The following CENPE variants were observed in gnomAD, a reference collection of about 807,000 sequenced individuals.
The protein encoded by CENPE is centromere protein E, also known as centromere-associated protein E.
A neutral mutation model predicts 336.1 loss-of-function variants in CENPE; 145 were observed. The ratio of observed to expected loss-of-function variants is 0.43; its 90% CI spans 0.38 to 0.50. The LOEUF is 0.50. Ranked by LOEUF, CENPE falls within the 20% of genes least tolerant of loss-of-function variation. The pLI is 0.00. For missense variants in CENPE, 2,719 were observed against 3,023.3 expected, an observed-to-expected ratio of 0.90 and a Z score of 2.36; for synonymous variants, 1,013 against 984.8, an observed-to-expected ratio of 1.03 and a Z score of -0.54.
chr4:103,148,900 C>G lies in CENPE; in HGVS notation c.3787G>C (p.Ala1263Pro), dbSNP rs1283419208. 2 of 1,613,036 alleles carry G rather than the reference C, an allele frequency of 1.2e-6. No individual in the cohort carries two copies. The highest frequency in any genetic ancestry group is 2.7e-5 in the African/African-American group (2 of 74,852). The change falls in exon 28 of 49, where the codon GCT becomes CCT. Residue 1263 changes from alanine to proline, a missense_variant. Ala to Pro is a conservative substitution (Grantham distance 27, BLOSUM62 -1). Coordinates refer to ENST00000265148, the MANE Select transcript of CENPE (RefSeq NM_001813.3). ...ELRRSVSEKT[A>P]QIINTQDLEK... ...AAGTCCTGAGTATTTATTATTTGAG[C>G]TGTCTTCTCAGATACGCTTCTTCTT...
At chr4:103,150,510 G>C (rs562470252) in intron 26 of CENPE, among the ~76,000 whole-genome samples, 54 of 152,126 alleles carry the variant, frequency 3.5e-4, no homozygotes, top group South Asian at 2.1e-4. Flanking sequence ...CTGAACCCAG[G>C]GGGGGTTGAG....
intron 16 of CENPE, among the ~76,000 whole-genome samples, chr4:103,165,719 C>T (rs967004210): frequency 2.0e-5 from 3 of 151,964 alleles, no homozygotes; most frequent in African/African-American, 4.8e-5. Flanking sequence ...AGCAGTGGCT[C>T]ACACCTGTAA....
At chr4:103,176,148 G>C in intron 14 of CENPE, 100 bp from the exon 15 acceptor site, 2 of 638,376 alleles carry the variant, frequency 3.1e-6, no homozygotes, top group South Asian at 4.2e-5. Flanking sequence ...GAGATACTAA[G>C]AACTTCAAAT....
chr4:103,145,165 C>G lies in CENPE; in HGVS notation c.4742G>C (p.Ser1581Thr), dbSNP rs530167338. 6.2e-7 allele frequency: 1 copy of G among 1,612,974 alleles called. No individual in the cohort carries two copies. The highest frequency in any genetic ancestry group is 8.5e-7 in the Non-Finnish European group (1 of 1,179,536). ...AATCATAATTTGTATTTCTTCTTGA[C>G]TTTCTTGAAGTCTGTTGGTCAACTC... ...MLELTNRLQE[S>T]QEEIQIMIKE... Residue 1581 changes from serine (S) to threonine (T), a missense_variant, in exon 32 of 49, where the codon AGT (serine) becomes ACT (threonine). Ser to Thr is a moderately conservative substitution (Grantham distance 58). Coordinates refer to ENST00000265148, the MANE Select transcript of CENPE (RefSeq NM_001813.3).
At chr4:103,166,573 T>C (rs952090069) in intron 16 of CENPE, among the ~76,000 whole-genome samples, 10 of 152,236 alleles carry the variant, frequency 6.6e-5, no homozygotes, top group African/African-American at 2.4e-4. Context: ...GTAGGTAGAA[T>C]GGAAATAATA....
At chr4:103,176,796 GTATT>G in intron 14 of CENPE, 99 bp downstream of exon 14, 3 of 829,820 alleles carry the variant, frequency 3.6e-6, no homozygotes, top group Non-Finnish European at 5.4e-6. Context: ...GAAATACACA[GTATT>G]TAAACATGTT....
Position 103,174,806 on chromosome 4 carries a change from A to C in CENPE, c.1577T>G (p.Leu526Trp), listed in dbSNP as rs1755716940. ...CAAATCATTCTTTTCTTTTAATTTCAATTCCATTTCTTCTTTTTCTGTTCG... is the reference window on the plus strand; with the variant it reads ...CAAATCATTCTTTTCTTTTAATTTCCATTCCATTTCTTCTTTTTCTGTTCG... ...QLRTEKEEME[L>W]KLKEKNDLDE... Residue 526 changes from leucine (L) to tryptophan (W), a missense_variant, in exon 16 of 49, where the codon TTG (leucine) becomes TGG (tryptophan). This residue lies in a region of CENPE where 2,437 missense variants were observed against 2,513.3 expected (regional missense o/e 0.97). Coordinates refer to ENST00000265148, the MANE Select transcript of CENPE (RefSeq NM_001813.3). 3.9e-6 allele frequency: 6 copies of C among 1,551,490 alleles called. No individual in the cohort carries two copies. Among genetic ancestry groups the C allele is most frequent in the Non-Finnish European group, 4.4e-6 (5 of 1,148,182 alleles).
At chr4:103,150,886 T>A (rs890109973) in intron 26 of CENPE, among the ~76,000 whole-genome samples, 2 of 152,212 alleles carry the variant, frequency 1.3e-5, no homozygotes, top group African/African-American at 2.4e-5. Flanking sequence ...AAGGAAAGAA[T>A]CTTTGTTTTG....
chr4:103,118,282 C>T (rs950042731), intron 44 of CENPE, among the ~76,000 whole-genome samples: 1 of 151,960 alleles, frequency 6.6e-6, no homozygotes, highest in African/African-American at 2.4e-5. Context: ...TTGTAATGGT[C>T]GATTATTTTA....
chr4:103,135,612 G>GT (rs1486315942), intron 40 of CENPE, among the ~76,000 whole-genome samples: 2 of 152,056 alleles, frequency 1.3e-5, no homozygotes, highest in East Asian at 3.9e-4. Context: ...CTGGACCACT[G>GT]TAACTGCCTC....
rs1240828929 is a variant in CENPE, at chr4:103,153,163, G to C, written c.3121C>G (p.Gln1041Glu). 1 of 1,612,264 alleles carries C rather than the reference G, an allele frequency of 6.2e-7. No homozygotes were observed. Among genetic ancestry groups the C allele is most frequent in the East Asian group, 2.2e-5 (1 of 44,754 alleles). ...ADVKDNEIIE[Q>E]QRKIFSLIQE... ...ATTAAAGAAAATATCTTCCTTTGTTGCTCAATTATCTCATTATCCTTAACA... is the reference window on the plus strand; with the variant it reads ...ATTAAAGAAAATATCTTCCTTTGTTCCTCAATTATCTCATTATCCTTAACA... Residue 1041 changes from glutamine (Q) to glutamate (E), a missense_variant, in exon 25 of 49, where the codon CAA becomes GAA. By Grantham distance (29) the Gln-to-Glu change is conservative. Coordinates refer to ENST00000265148, the MANE Select transcript of CENPE (RefSeq NM_001813.3).
At chr4:103,132,081 C>T (rs1203107433) in intron 42 of CENPE, among the ~76,000 whole-genome samples, 5 of 152,138 alleles carry the variant, frequency 3.3e-5, no homozygotes, top group African/African-American at 9.6e-5. Flanking sequence ...CAAGTGTGAA[C>T]CCTAATGTAA....
intron 14 of CENPE, 28 bp from the exon 15 acceptor site, chr4:103,176,076 C>G: frequency 1.4e-6 from 2 of 1,391,914 alleles, no homozygotes; most frequent in South Asian, 2.6e-5. Context: ...AAAAATTTGT[C>G]CATGAACATG....
At position 103,123,086 on chromosome 4, in the gene CENPE, T is replaced by C. The variant is rs111281600; in HGVS notation, c.6928A>G (p.Ile2310Val). 3.5e-4 allele frequency: 558 copies of C among 1,611,564 alleles called. 6 individuals are homozygous for C. The African/African-American group carries it at 6.4e-3, about 18-fold the overall frequency. The part of the protein sequence containing the change: ...NNFFNNRIIA[I>V]MNESTEFEER... ...TCAAACTCTGTTGATTCATTCATTATGGCCTATTGAACAGTAAAATACCAT... is the reference window on the plus strand; with the variant it reads ...TCAAACTCTGTTGATTCATTCATTACGGCCTATTGAACAGTAAAATACCAT... The change falls in exon 43 of 49, where the codon ATA becomes GTA. Residue 2310 changes from isoleucine (I) to valine (V), a missense_variant. By Grantham distance (29) the Ile-to-Val change is conservative. Transcript: ENST00000265148.
At chr4:103,144,013 T>C (rs1161873568) in intron 33 of CENPE, among the ~76,000 whole-genome samples, 2 of 152,160 alleles carry the variant, frequency 1.3e-5, no homozygotes, top group African/African-American at 4.8e-5. Context: ...CTTGGCTCAC[T>C]GCAACCTCCG....
chr4:103,162,298 A>G (rs1754514136), intron 18 of CENPE, among the ~76,000 whole-genome samples: 1 of 152,108 alleles, frequency 6.6e-6, no homozygotes, highest in South Asian at 2.1e-4. Context: ...TAAAAGTTCC[A>G]GCTAGAAACT....
chr4:103,164,531 A>C (rs986580474), intron 16 of CENPE, among the ~76,000 whole-genome samples: 1 of 152,124 alleles, frequency 6.6e-6, no homozygotes, highest in Non-Finnish European at 1.5e-5. Flanking sequence ...ACACATATGT[A>C]ATTTAAAATT....
intron 4 of CENPE, 45 bp downstream of exon 4, chr4:103,195,875 A>G (rs1056668802): frequency 9.0e-7 from 1 of 1,112,600 alleles, no homozygotes; most frequent in African/African-American, 1.5e-5. Context: ...CCCAGTTTTT[A>G]CTAGTTTTAC....
chr4:103,198,131 T>C (rs1578710529), intron 1 of CENPE, 133 bp downstream of exon 1: 2 of 783,956 alleles, frequency 2.6e-6, no homozygotes, highest in Non-Finnish European at 2.0e-6. Flanking sequence ...CCTGAAACGA[T>C]GGCCAGCAGC....
Sources: gnomAD v4.1 joint callset for allele counts (sites outside exome capture counted in the v4.1 genomes callset) on GRCh38, gnomAD v4.1.1 for gene constraint, gnomAD v4.1.1 regional missense constraint, MANE v1.5 for transcripts, NCBI Gene and HGNC (gene_info 2026-07-23, HGNC 2026-07-21) for gene names.